The following ITPR2 variants were observed in gnomAD, a reference collection of about 807,000 sequenced individuals.
ITPR2 encodes the protein inositol 1,4,5-trisphosphate receptor type 2, also known as inositol 1,4,5-trisphosphate-gated calcium channel ITPR2.
A neutral mutation model predicts 317.1 loss-of-function variants in ITPR2; 207 were observed. That is an observed-to-expected ratio of 0.65 (90% CI 0.58 to 0.73). ITPR2 has a LOEUF of 0.73. Among genes scored for constraint, ITPR2 ranks in the 30% least tolerant of loss-of-function variants. ITPR2 has a pLI of 0.00. For missense variants in ITPR2, 2,613 were observed against 3,284.0 expected, an observed-to-expected ratio of 0.80 and a Z score of 4.99; for synonymous variants, 1,156 against 1,149.1, an observed-to-expected ratio of 1.01 and a Z score of -0.12.
At chr12:26,388,946 G>A (rs1194087794) in intron 54 of ITPR2, among the ~76,000 whole-genome samples, 1 of 152,100 alleles carries the variant, frequency 6.6e-6, no homozygotes, top group Admixed American at 6.6e-5. Context: ...CAAGCCAAAA[G>A]CCTGGACGTC....
chr12:26,498,765 T>C (rs1354432423), intron 37 of ITPR2, among the ~76,000 whole-genome samples: 1 of 152,224 alleles, frequency 6.6e-6, no homozygotes, highest in Non-Finnish European at 1.5e-5. Flanking sequence ...AAAGGGAACC[T>C]ATTGTGAAGA....
At chr12:26,732,059 G>A (rs1176976865) in intron 2 of ITPR2, among the ~76,000 whole-genome samples, 1 of 152,172 alleles carries the variant, frequency 6.6e-6, no homozygotes, top group Non-Finnish European at 1.5e-5. Context: ...GTAAAGAGAG[G>A]ATCTAAGAGG....
chr12:26,821,127 G>C (rs1369522783), intron 1 of ITPR2, among the ~76,000 whole-genome samples: 2 of 152,160 alleles, frequency 1.3e-5, no homozygotes, highest in Non-Finnish European at 2.9e-5. Context: ...CGGTCAAAAT[G>C]ATAAATTTTA....
intron 37 of ITPR2, among the ~76,000 whole-genome samples, chr12:26,503,825 A>G (rs1461861728): frequency 1.3e-5 from 2 of 152,244 alleles, no homozygotes; most frequent in Non-Finnish European, 2.9e-5. Flanking sequence ...AAGCATTAAT[A>G]AGTTTCAATC....
rs538835235 is a variant in ITPR2 at position 26,597,207 on chromosome 12, A to G, written c.4003-73T>C. On this transcript the variant is annotated intron_variant, in intron 30 of 56. Coordinates refer to ENST00000381340, the MANE Select transcript of ITPR2 (RefSeq NM_002223.4). ...TTGCAGTTATTTCCAAAGGCTTGAT[A>G]TATCTGGAAACACGTATATCTCTTC... 170 of 1,496,392 alleles carry G rather than the reference A, an allele frequency of 1.1e-4. 1 individual carries two copies. The highest frequency in any genetic ancestry group is 5.7e-4 in the Middle Eastern group (3 of 5,220). The allele number at this position is 1,496,392 out of a possible 1,614,324, so 92.7% of individuals were successfully genotyped here. A position where few individuals can be genotyped will look rare whatever the true frequency, so the allele number is the denominator to read the frequency against.
chr12:26,529,741 T>C (rs915366216), intron 37 of ITPR2, among the ~76,000 whole-genome samples: 1 of 152,330 alleles, frequency 6.6e-6, no homozygotes, highest in Middle Eastern at 3.4e-3. Flanking sequence ...TAAATCTCCA[T>C]ATAAAGCACC....
At chr12:26,657,969 A>G in intron 17 of ITPR2, 42 bp downstream of exon 17, 4 of 1,602,450 alleles carry the variant, frequency 2.5e-6, no homozygotes, top group Non-Finnish European at 3.4e-6. Flanking sequence ...AGTGCTTACA[A>G]ATAATCAACA....
chr12:26,672,012 T>C (rs1230666634), intron 13 of ITPR2, among the ~76,000 whole-genome samples: 4 of 152,024 alleles, frequency 2.6e-5, no homozygotes, highest in Admixed American at 2.0e-4. Flanking sequence ...ATCCTAAATA[T>C]ATATGCACCC....
At chr12:26,434,189 A>G (rs1941292527) in intron 48 of ITPR2, among the ~76,000 whole-genome samples, 1 of 152,144 alleles carries the variant, frequency 6.6e-6, no homozygotes, top group Non-Finnish European at 1.5e-5. Context: ...AGCTTATTAA[A>G]AAATACATAT....
At chr12:26,763,984 T>C (rs1358374612) in intron 2 of ITPR2, among the ~76,000 whole-genome samples, 4 of 152,090 alleles carry the variant, frequency 2.6e-5, no homozygotes, top group African/African-American at 9.7e-5. Context: ...CAAGACACTG[T>C]CATGTTTGTG....
chr12:26,340,242 G>T lies in ITPR2; in HGVS notation c.7944C>A (p.Ser2648Arg), dbSNP rs765682095. Residue 2648 changes from serine (S) to arginine (R), a missense_variant, in exon 56 of 57, where the codon AGC becomes AGA. Physicochemically the swap from Ser to Arg is moderately radical, Grantham distance 110 (BLOSUM62 -1). Transcript: ENST00000381340. ...TGGTCGATTCCAACTTCTCCTGAAG[G>T]CTCCGAATTTCATTTTGCTCACTGT... ...EGDSEQNEIR[S>R]LQEKLESTMS... The T allele has an allele frequency of 2.5e-6, 4 of 1,611,722 alleles. No homozygotes were observed. The South Asian group carries it at 3.3e-5, about 13-fold the overall frequency.
chr12:26,806,753 T>C (rs1417152245), intron 1 of ITPR2, among the ~76,000 whole-genome samples: 1 of 152,180 alleles, frequency 6.6e-6, no homozygotes, highest in Non-Finnish European at 1.5e-5. Context: ...TTTCCCACTC[T>C]GGTCTCAAGC....
At chr12:26,658,203 T>G (rs1305413311) in intron 16 of ITPR2, 73 bp from the exon 17 acceptor site, 3 of 1,041,356 alleles carry the variant, frequency 2.9e-6, no homozygotes, top group Non-Finnish European at 3.9e-6. Context: ...AAAGACATAA[T>G]TTGGAATATA....
intron 46 of ITPR2, 143 bp from the exon 47 acceptor site, chr12:26,439,462 C>T (rs568513894): frequency 1.8e-6 from 1 of 556,352 alleles, no homozygotes; most frequent in East Asian, 3.1e-5. Flanking sequence ...CTGAAAGAAC[C>T]CTTTTTACTA....
intron 9 of ITPR2, among the ~76,000 whole-genome samples, chr12:26,710,785 C>A (rs1175277456): frequency 6.6e-6 from 1 of 152,210 alleles, no homozygotes; most frequent in Non-Finnish European, 1.5e-5. Context: ...GAGGCCACTG[C>A]AGATGAACCC....
At chr12:26,752,688 T>A (rs34586734) in intron 2 of ITPR2, among the ~76,000 whole-genome samples, 74,692 of 152,046 alleles carry the variant, frequency 0.49, 19,179 homozygotes, top group Non-Finnish European at 0.55. Context: ...TTACTTTCTT[T>A]ATAAACTTGC....
At chr12:26,704,193 T>C (rs1439943880) in intron 9 of ITPR2, among the ~76,000 whole-genome samples, 1 of 152,232 alleles carries the variant, frequency 6.6e-6, no homozygotes, top group Non-Finnish European at 1.5e-5. Flanking sequence ...TTTCAAGTTA[T>C]TCAAAAGAAA....
intron 1 of ITPR2, among the ~76,000 whole-genome samples, chr12:26,793,823 G>A (rs1213294368): frequency 6.6e-6 from 1 of 152,094 alleles, no homozygotes; most frequent in Non-Finnish European, 1.5e-5. Flanking sequence ...CCCTATGTAG[G>A]TATGTCCCAG....
In ITPR2 at chr12:26,437,023, C is replaced by T. The variant is rs548414611; in HGVS notation, c.6644-677G>A. Among the ~76,000 whole-genome samples, 12 of 152,316 alleles carry T rather than the reference C, an allele frequency of 7.9e-5. No individual in the cohort carries two copies. The South Asian group carries it at 2.3e-3, about 29-fold the overall frequency. ...TTTGCTGCATATATTCAACAAAGGA[C>T]TCTGTGTCTGTTATCACAAATGAAT... On this transcript the variant is annotated intron_variant, in intron 47 of 56. Coordinates refer to ENST00000381340, the MANE Select transcript of ITPR2 (RefSeq NM_002223.4).
Sources: allele counts gnomAD v4.1 joint callset (sites outside exome capture counted in the v4.1 genomes callset), GRCh38; gene constraint gnomAD v4.1.1; transcripts MANE v1.5; gene names NCBI Gene and HGNC (gene_info 2026-07-23, HGNC 2026-07-21).